Variants in SMCHD1 observed in about 807,000 individuals in gnomAD.
SMCHD1 encodes structural maintenance of chromosomes flexible hinge domain-containing protein 1.
In SMCHD1, 78 loss-of-function variants were observed where a neutral mutation model predicts 254.7. The observed-to-expected ratio is 0.31, with a 90% CI of 0.26 to 0.37. The LOEUF is 0.37. Among genes scored for constraint, SMCHD1 ranks in the 10% least tolerant of loss-of-function variants. The probability of loss-of-function intolerance (pLI) is 1.00; values close to 1 mark genes in which losing one functional copy is unlikely to be tolerated. For synonymous variants in SMCHD1, 766 were observed against 794.9 expected, an observed-to-expected ratio of 0.96 and a Z score of 0.61; for missense variants, 1,840 against 2,408.1, an observed-to-expected ratio of 0.76 and a Z score of 4.94.
chr18:2,761,557 C>A (rs1401468445), intron 35 of SMCHD1, among the ~76,000 whole-genome samples: 3 of 152,194 alleles, frequency 2.0e-5, no homozygotes, highest in Admixed American at 1.3e-4. Context: ...TGGCTCACGC[C>A]TGTAATCCCA....
At chr18:2,739,175 T>C (rs1250794091) in intron 26 of SMCHD1, among the ~76,000 whole-genome samples, 2 of 152,242 alleles carry the variant, frequency 1.3e-5, no homozygotes, top group Non-Finnish European at 2.9e-5. Flanking sequence ...TAATTTCCTT[T>C]TAATCCAGCA....
chr18:2,737,910 C>T (rs2093379670), intron 25 of SMCHD1, among the ~76,000 whole-genome samples: 1 of 152,040 alleles, frequency 6.6e-6, no homozygotes, highest in Non-Finnish European at 1.5e-5. Flanking sequence ...TAAATTAATA[C>T]AGAACTAAAA....
chr18:2,678,526 A>G (rs2073828640), intron 5 of SMCHD1, among the ~76,000 whole-genome samples: 1 of 152,096 alleles, frequency 6.6e-6, no homozygotes, highest in South Asian at 2.1e-4. Context: ...CATGTTGGCC[A>G]GGTTGGTCTC....
intron 1 of SMCHD1, 129 bp downstream of exon 1, chr18:2,656,390 C>A: frequency 1.1e-6 from 1 of 873,482 alleles, no homozygotes; most frequent in Non-Finnish European, 1.5e-6. Flanking sequence ...TGGCTTCCCT[C>A]TCCCGTGTGC....
chr18:2,667,179 GTAT>G (rs1307823028), intron 3 of SMCHD1, 148 bp downstream of exon 3: 2 of 650,948 alleles, frequency 3.1e-6, no homozygotes, highest in East Asian at 2.8e-5. Context: ...ATTCATCACG[GTAT>G]TATTATGTCT....
In SMCHD1 at chr18:2,728,957, A is replaced by AC. The variant is rs202174541; in HGVS notation, c.2914-318_2914-317insC. The AC allele has an allele frequency of 4.3e-3, 991 of 230,862 alleles. 10 individuals are homozygous for AC. The highest frequency in any genetic ancestry group is 0.021 in the African/African-American group (926 of 44,166). The allele number at this position is 230,862 out of a possible 1,614,324, so 14.3% of individuals were successfully genotyped here. ...TTTATTCCTTTACTTTAGGGAAAAA[A>AC]AAAAAAAGGGAATGATGACTAAATG... is the stretch of plus-strand genomic sequence containing the variant. On this transcript the variant is annotated intron_variant, in intron 23 of 47. Transcript: ENST00000320876.
intron 45 of SMCHD1, among the ~76,000 whole-genome samples, chr18:2,791,758 C>T (rs866157855): frequency 2.0e-5 from 3 of 152,246 alleles, no homozygotes; most frequent in Middle Eastern, 3.4e-3. Flanking sequence ...TTGAGAAGAA[C>T]AGGTTGGGAG....
At chr18:2,662,667 CAAAAAAAAAAAAAA>C (rs745838636) in intron 1 of SMCHD1, among the ~76,000 whole-genome samples, 1 of 35,684 alleles carries the variant, frequency 2.8e-5, no homozygotes, top group African/African-American at 1.2e-4. Flanking sequence ...AACAAAAAAC[CAAAAAAAAAAAAAA>C]AAAAAAAAAG....
At chr18:2,776,628 T>G (rs72866566) in intron 42 of SMCHD1, among the ~76,000 whole-genome samples, 1,539 of 152,304 alleles carry the variant, frequency 0.01, 14 homozygotes, top group Non-Finnish European at 0.016. Flanking sequence ...TATTAGTCAG[T>G]ATTTTCTCAG....
chr18:2,699,404 A>G (rs2074352079), intron 10 of SMCHD1, among the ~76,000 whole-genome samples: 3 of 152,166 alleles, frequency 2.0e-5, no homozygotes, highest in South Asian at 2.1e-4. Flanking sequence ...CAGTGACACA[A>G]TGTAGGCTCA....
intron 1 of SMCHD1, among the ~76,000 whole-genome samples, chr18:2,658,373 T>TA (rs2073137766): frequency 6.6e-6 from 1 of 152,232 alleles, no homozygotes; most frequent in African/African-American, 2.4e-5. Flanking sequence ...ACTCAGATAG[T>TA]AAAGCTCAAG....
intron 44 of SMCHD1, among the ~76,000 whole-genome samples, chr18:2,783,983 A>G (rs1368189852): frequency 6.6e-6 from 1 of 152,082 alleles, no homozygotes; most frequent in African/African-American, 2.4e-5. Context: ...ATCTTCCCAT[A>G]CCTAAAACCA....
intron 3 of SMCHD1, among the ~76,000 whole-genome samples, chr18:2,667,908 C>G (rs1394033578): frequency 6.6e-6 from 1 of 151,904 alleles, no homozygotes. Context: ...GAGACAGAGT[C>G]TCTCTCTGTC....
chr18:2,712,590 A>G (rs2074705500), intron 17 of SMCHD1, among the ~76,000 whole-genome samples: 1 of 152,196 alleles, frequency 6.6e-6, no homozygotes, highest in Non-Finnish European at 1.5e-5. Flanking sequence ...TTGTATGTGC[A>G]GATTTTGGTA....
chr18:2,707,412 A>T, intron 15 of SMCHD1, 151 bp from the exon 16 acceptor site: 1 of 435,770 alleles, frequency 2.3e-6, no homozygotes. Context: ...GAGGAAAAAA[A>T]TTTTTAGATG....
At chr18:2,688,546 A>G (rs752564279) in intron 6 of SMCHD1, 38 bp downstream of exon 6, 10 of 1,596,156 alleles carry the variant, frequency 6.3e-6, no homozygotes, top group Middle Eastern at 1.7e-4. Flanking sequence ...AAGTTGATCA[A>G]AATATTTTGA....
intron 17 of SMCHD1, among the ~76,000 whole-genome samples, chr18:2,714,060 CT>C (rs1020936995): frequency 1.3e-5 from 2 of 152,174 alleles, no homozygotes; most frequent in African/African-American, 4.8e-5. Flanking sequence ...GCAACGTTTT[CT>C]ATCTCCATGA....
intron 11 of SMCHD1, 26 bp from the exon 12 acceptor site, chr18:2,700,708 AC>A: frequency 6.2e-7 from 1 of 1,605,226 alleles, no homozygotes; most frequent in Non-Finnish European, 8.5e-7. Context: ...TAATTCTTTT[AC>A]TAACTAACAT....
chr18:2,732,923 G>T (rs1379709005), intron 25 of SMCHD1, among the ~76,000 whole-genome samples: 1 of 152,132 alleles, frequency 6.6e-6, no homozygotes, highest in Non-Finnish European at 1.5e-5. Flanking sequence ...GGAAATTATT[G>T]AAATTGGTAT....
Sources: gnomAD v4.1 joint callset for allele counts (sites outside exome capture counted in the v4.1 genomes callset) on GRCh38, gnomAD v4.1.1 for gene constraint, MANE v1.5 for transcripts, NCBI Gene and HGNC (gene_info 2026-07-23, HGNC 2026-07-21) for gene names.